The following SLC24A4 variants were observed in gnomAD, a reference collection of about 807,000 sequenced individuals.
SLC24A4 encodes solute carrier family 24 member 4.
Under a neutral mutation model 79.0 loss-of-function variants are expected in SLC24A4, and 53 were observed. The ratio of observed to expected loss-of-function variants is 0.67; its 90% CI spans 0.54 to 0.84. The LOEUF is 0.84. Among genes scored for constraint, SLC24A4 ranks in the 40% least tolerant of loss-of-function variants. SLC24A4 has a pLI of 0.00. For synonymous variants in SLC24A4, 323 were observed against 323.8 expected (o/e 1.00, Z 0.03); for missense variants, 731 against 822.0 (o/e 0.89, Z 1.35).
chr14:92,408,443 A>G (rs747977326), intron 2 of SLC24A4: 150 of 985,016 alleles, frequency 1.5e-4, no homozygotes, highest in Non-Finnish European at 3.1e-5. Context: ...ATGTGAGTTT[A>G]TTTTACCTTG....
At chr14:92,478,211 A>G (rs1412492930) in intron 12 of SLC24A4, among the ~76,000 whole-genome samples, 1 of 152,232 alleles carries the variant, frequency 6.6e-6, no homozygotes, top group Non-Finnish European at 1.5e-5. Context: ...GGTGTCATTT[A>G]AGAAATCATT....
intron 10 of SLC24A4, chr14:92,450,246 G>A (rs1229349349): frequency 6.6e-6 from 1 of 152,238 alleles, no homozygotes; most frequent in African/African-American, 2.4e-5. Context: ...ATGTGTCTGG[G>A]ACATCTGGGG....
intron 2 of SLC24A4, among the ~76,000 whole-genome samples, chr14:92,373,778 G>A (rs751985737): frequency 7.2e-5 from 11 of 152,112 alleles, no homozygotes; most frequent in Non-Finnish European, 2.9e-5. Flanking sequence ...CTTACTGTTT[G>A]TTGAAAAACC....
rs192612669 is a variant in SLC24A4 at position 92,364,817 on chromosome 14, T to C, written c.241+38839T>C. Among the ~76,000 whole-genome samples, 10 of 152,344 alleles carry C rather than the reference T, an allele frequency of 6.6e-5. No homozygotes were observed. In the East Asian group the frequency reaches 1.7e-3, roughly 26 times the overall value. The stretch of plus-strand genomic sequence containing the variant: ...AAGGCAGGTGGCTCCTGCTCCATCA[T>C]AGCCAACGGAATCTCAAGCATGTCT... On this transcript the variant is annotated intron_variant, in intron 2 of 16. Coordinates refer to ENST00000532405, the MANE Select transcript of SLC24A4 (RefSeq NM_153646.4).
At chr14:92,448,677 G>A (rs1447822801) in intron 9 of SLC24A4, among the ~76,000 whole-genome samples, 2 of 152,138 alleles carry the variant, frequency 1.3e-5, no homozygotes, top group African/African-American at 2.4e-5. Flanking sequence ...GGAGGTGCCC[G>A]TGAGCATCCT....
intron 11 of SLC24A4, 64 bp from the exon 12 acceptor site, chr14:92,456,340 G>T: frequency 6.4e-7 from 1 of 1,563,018 alleles, no homozygotes. Context: ...GGGACCCAGC[G>T]TATAGCAATA....
At chr14:92,393,552 T>TTC (rs1464125686) in intron 2 of SLC24A4, among the ~76,000 whole-genome samples, 3 of 148,088 alleles carry the variant, frequency 2.0e-5, no homozygotes, top group Admixed American at 2.0e-4. Context: ...ACTCTTTTTT[T>TTC]TTTTTTTTTT....
intron 2 of SLC24A4, among the ~76,000 whole-genome samples, chr14:92,376,375 C>T (rs1337258232): frequency 6.6e-6 from 1 of 152,230 alleles, no homozygotes; most frequent in African/African-American, 2.4e-5. Flanking sequence ...CTGCCTGGTG[C>T]CCCCTTGGTC....
At chr14:92,471,459 A>G (rs899009500) in intron 12 of SLC24A4, among the ~76,000 whole-genome samples, 4 of 152,298 alleles carry the variant, frequency 2.6e-5, no homozygotes, top group African/African-American at 9.6e-5. Flanking sequence ...CTGGGAACCT[A>G]CTGTCTCAAG....
chr14:92,354,206 G>A (rs1013822813), intron 2 of SLC24A4, among the ~76,000 whole-genome samples: 19 of 148,904 alleles, frequency 1.3e-4, no homozygotes, highest in Admixed American at 8.1e-4. Flanking sequence ...TCACTCTGTC[G>A]CCCAGGCTGG....
rs1566772163 is a variant in SLC24A4, at chr14:92,445,329, G to A, written c.670G>A (p.Glu224Lys). 6.2e-7 allele frequency: 1 copy of A among 1,614,072 alleles called. No homozygotes were observed. Among genetic ancestry groups the A allele is most frequent in the Non-Finnish European group, 8.5e-7 (1 of 1,179,968 alleles). ...VIVLIVFIYD[E>K]QIVWWEGLVL... ...TTTTGCCTTACAGTTCATATATGAT[G>A]AACAAATTGTGTGGTAAGTTTTTCA... Residue 224 changes from glutamate (E) to lysine (K), a missense_variant, in exon 8 of 17, where the codon GAA (glutamate) becomes AAA (lysine). Glu to Lys is a moderately conservative substitution (Grantham distance 56). Transcript: ENST00000532405.
chr14:92,401,728 A>G (rs1890123804), intron 2 of SLC24A4, among the ~76,000 whole-genome samples: 1 of 152,074 alleles, frequency 6.6e-6, no homozygotes, highest in Non-Finnish European at 1.5e-5. Flanking sequence ...TGTCCCCTAC[A>G]TGAGTTGCTG....
At chr14:92,433,085 A>G (rs2402144) in intron 2 of SLC24A4, among the ~76,000 whole-genome samples, 102,251 of 151,786 alleles carry the variant, frequency 0.67, 34,845 homozygotes, top group East Asian at 0.88. Context: ...TGAGGATGCA[A>G]TGGTGACCAG....
In SLC24A4 at chr14:92,326,145, T is replaced by A. The variant is rs80213125; in HGVS notation, c.241+167T>A. On this transcript the variant is annotated intron_variant, in intron 2 of 16. Coordinates refer to ENST00000532405, the MANE Select transcript of SLC24A4 (RefSeq NM_153646.4). ...AAGGTAACATAAAGACATTCGTCAA[T>A]GGTGCTGCTAAGCAACTCAAGTGCT... Among the ~76,000 whole-genome samples the A allele has an allele frequency of 4.2e-3, 646 of 152,354 alleles. 4 individuals are homozygous for A. Among genetic ancestry groups the A allele is most frequent in the African/African-American group, 0.014 (583 of 41,582 alleles).
chr14:92,375,765 T>C (rs1888463580), intron 2 of SLC24A4, among the ~76,000 whole-genome samples: 1 of 152,210 alleles, frequency 6.6e-6, no homozygotes, highest in South Asian at 2.1e-4. Context: ...AAATCCACGC[T>C]GACAGAAAGC....
chr14:92,381,566 C>T (rs746479786), intron 2 of SLC24A4, among the ~76,000 whole-genome samples: 33 of 152,040 alleles, frequency 2.2e-4, no homozygotes, highest in Non-Finnish European at 4.3e-4. Context: ...CCTGCATATT[C>T]AGCACATTCA....
Position 92,498,001 on chromosome 14 carries a change from G to C in SLC24A4, c.*4373G>C, listed in dbSNP as rs950056541. ...ATTTCCATGGGAACCATCCTCCCCT[G>C]GGGGCAGTTAGCAGGAGTACGTGGG... is the stretch of plus-strand genomic sequence containing the variant. On this transcript the variant is annotated 3_prime_UTR_variant, in exon 17 of 17. Transcript: ENST00000532405. The C allele has an allele frequency of 6.6e-6, 1 of 152,114 alleles. No homozygotes were observed. Among genetic ancestry groups the C allele is most frequent in the Admixed American group, 6.5e-5 (1 of 15,272 alleles). The allele number at this position is 152,114 out of a possible 1,614,324, so 9.4% of individuals were successfully genotyped here.
intron 2 of SLC24A4, among the ~76,000 whole-genome samples, chr14:92,330,849 C>T (rs1885437681): frequency 6.6e-6 from 1 of 152,216 alleles, no homozygotes; most frequent in Admixed American, 6.5e-5. Context: ...AGCCCTGCCT[C>T]CAAATACCAT....
At position 92,498,969 on chromosome 14, in the gene SLC24A4, A is replaced by C. The variant is rs1284712138; in HGVS notation, c.*5341A>C. The C allele has an allele frequency of 6.6e-6, 1 of 152,228 alleles. No homozygotes were observed. The highest frequency in any genetic ancestry group is 1.5e-5 in the Non-Finnish European group (1 of 68,052). The allele number at this position is 152,228 out of a possible 1,614,324, so 9.4% of individuals were successfully genotyped here. A position where few individuals can be genotyped will look rare whatever the true frequency, so the allele number is the denominator to read the frequency against. On this transcript the variant is annotated 3_prime_UTR_variant, in exon 17 of 17. Coordinates refer to ENST00000532405, the MANE Select transcript of SLC24A4 (RefSeq NM_153646.4). ...GGTGCCCACCTGGAATCAGGAGAAG[A>C]GGCTTTTCCCTCCTGTTCTGCAACC...
Sources: gnomAD v4.1 joint callset for allele counts (sites outside exome capture counted in the v4.1 genomes callset) on GRCh38, gnomAD v4.1.1 for gene constraint, MANE v1.5 for transcripts, NCBI Gene and HGNC (gene_info 2026-07-23, HGNC 2026-07-21) for gene names.